The following FOXL3 variants were observed in gnomAD, a reference collection of about 807,000 sequenced individuals.
FOXL3 encodes forkhead box protein L3.
In FOXL3, 16 loss-of-function variants were observed where a neutral mutation model predicts 10.9. The observed-to-expected ratio is 1.46, with a 90% CI of 0.99 to 2.22. The LOEUF is 2.22. Among genes scored for constraint, FOXL3 ranks in the 30% most tolerant of loss-of-function variants. FOXL3 has a pLI of 0.00. For missense variants in FOXL3, 400 were observed against 337.9 expected (o/e 1.18, Z -1.44); for synonymous variants, 170 against 152.0 (o/e 1.12, Z -0.87).
chr7:291,119 C>G lies in FOXL3; in HGVS notation c.333C>G (p.Gly111=). The change falls in exon 3 of 3, where the codon GGC becomes GGG. Residue 111 remains glycine (G), a synonymous_variant. Transcript: ENST00000506382. ...AAGGCAACTACTGGACGTTCGCGGGCGGCTGCGAGTCGCTGCTGGACCTCT... is the reference window on the plus strand; with the variant it reads ...AAGGCAACTACTGGACGTTCGCGGGGGGCTGCGAGTCGCTGCTGGACCTCT... ...KGKGNYWTFA[G]GCESLLDLFE... 7.1e-7 allele frequency: 1 copy of G among 1,415,158 alleles called. No individual in the cohort carries two copies. Among genetic ancestry groups the G allele is most frequent in the African/African-American group, 1.5e-5 (1 of 66,252 alleles). 87.7% of individuals were successfully genotyped at this position (1,415,158 alleles called of 1,614,324 possible). A position where few individuals can be genotyped will look rare whatever the true frequency, so the allele number is the denominator to read the frequency against.
chr7:290,397 G>A, intron 1 of FOXL3, 121 bp downstream of exon 1: 2 of 907,502 alleles, frequency 2.2e-6, no homozygotes, highest in Non-Finnish European at 3.4e-6. Context: ...CTCCGGCGGC[G>A]GAGCTCAGAG....
Position 290,801 on chromosome 7 carries a change from C to A in FOXL3, c.256C>A (p.Leu86Ile), listed in dbSNP as rs1307336664. 15 of 1,494,010 alleles carry A rather than the reference C, an allele frequency of 1.0e-5. No individual in the cohort carries two copies. The highest frequency in any genetic ancestry group is 1.3e-5 in the Non-Finnish European group (15 of 1,126,428). The allele number at this position is 1,494,010 out of a possible 1,614,324, so 92.5% of individuals were successfully genotyped here. The stretch of plus-strand genomic sequence containing the variant: ...GAACTCCATCCGCCACAACCTGTCC[C>A]TCAACAGCTGCTTCGTCAAGGTGAG... The part of the protein sequence containing the change: ...WQNSIRHNLS[L>I]NSCFVKVPRS... The change falls in exon 2 of 3, where the codon CTC becomes ATC. Residue 86 changes from leucine (L) to isoleucine (I), a missense_variant. Coordinates refer to ENST00000506382, the MANE Select transcript of FOXL3 (RefSeq NM_001374838.1).
chr7:291,437 G>C lies in FOXL3; in HGVS notation c.651G>C (p.Glu217Asp), dbSNP rs1778647644. 1.6e-6 allele frequency: 2 copies of C among 1,243,754 alleles called. No homozygotes were observed. Among genetic ancestry groups the C allele is most frequent in the Non-Finnish European group, 1.0e-6 (1 of 993,294 alleles). 77.0% of individuals were successfully genotyped at this position (1,243,754 alleles called of 1,614,324 possible). A position where few individuals can be genotyped will look rare whatever the true frequency, so the allele number is the denominator to read the frequency against. The change falls in exon 3 of 3, where the codon GAG (glutamate) becomes GAC (aspartate). Residue 217 changes from glutamate to aspartate, a missense_variant. Transcript: ENST00000506382. The stretch of plus-strand genomic sequence containing the variant: ...TCAAGCCGCCCTGCCTCGCACAAGA[G>C]GGCAGATACCCGCGGCTGGAGAACG... Reference protein sequence around the residue: ...PGLKPPCLAQEGRYPRLENVG... With the variant: ...PGLKPPCLAQDGRYPRLENVG...
Position 291,014 on chromosome 7 carries a change from G to C in FOXL3, c.277-49G>C. On this transcript the variant is annotated intron_variant, in intron 2 of 2. Coordinates refer to ENST00000506382, the MANE Select transcript of FOXL3 (RefSeq NM_001374838.1). Reference sequence around the variant, plus strand: ...CGCCCCGAGGGGACAAGGCGGGCGGGCGCACCGTGCAGCGGAGCCGCTCCC... The same window carrying C: ...CGCCCCGAGGGGACAAGGCGGGCGGCCGCACCGTGCAGCGGAGCCGCTCCC... The C allele has an allele frequency of 4.5e-6, 6 of 1,334,070 alleles. No homozygotes were observed. In the South Asian group the frequency reaches 5.7e-5, roughly 13 times the overall value. 82.6% of individuals were successfully genotyped at this position (1,334,070 alleles called of 1,614,324 possible).
At chr7:290,849 G>GC in intron 2 of FOXL3, 28 bp downstream of exon 2, 2 of 1,390,050 alleles carry the variant, frequency 1.4e-6, no homozygotes, top group Non-Finnish European at 1.9e-6. Context: ...CGGGCCCCGG[G>GC]TGTCCCAGCG....
chr7:290,268 C>T lies in FOXL3; in HGVS notation c.99C>T (p.Pro33=). The change falls in exon 1 of 3, where the codon CCC becomes CCT. Residue 33 remains proline, a synonymous_variant. Transcript: ENST00000506382. ...ACGAAGACAAGAGGCTCACGCGGCC[C>T]GCGTACAGGTGACTGCGGGGGCGGT... ...SSDEDKRLTR[P]AYSYIALIAM... The T allele has an allele frequency of 6.5e-7, 1 of 1,535,716 alleles. No individual in the cohort carries two copies. Among genetic ancestry groups the T allele is most frequent in the Non-Finnish European group, 8.7e-7 (1 of 1,146,622 alleles).
In FOXL3 at chr7:291,120, GGCTGCGAGTCGCT is replaced by G; in HGVS notation, c.339_351del (p.Cys113TrpfsTer?). ...AGGCAACTACTGGACGTTCGCGGGC[GGCTGCGAGTCGCT>G]GCTGGACCTCTTCGAGAACGGCAAC... On this transcript the variant is annotated frameshift_variant, in exon 3 of 3. Coordinates refer to ENST00000506382, the MANE Select transcript of FOXL3 (RefSeq NM_001374838.1). LOFTEE classifies it low-confidence loss of function (END_TRUNC). 1 of 1,403,754 alleles carries G rather than the reference GGCTGCGAGTCGCT, an allele frequency of 7.1e-7. No homozygotes were observed. Among genetic ancestry groups the G allele is most frequent in the Non-Finnish European group, 9.3e-7 (1 of 1,078,426 alleles). 87.0% of individuals were successfully genotyped at this position (1,403,754 alleles called of 1,614,324 possible).
At chr7:290,533 G>T in intron 1 of FOXL3, 120 bp from the exon 2 acceptor site, 1 of 1,063,332 alleles carries the variant, frequency 9.4e-7, no homozygotes, top group Non-Finnish European at 1.3e-6. Context: ...CGAGCTGCGG[G>T]GACACTTTCC....
At position 291,308 on chromosome 7, in the gene FOXL3, C is replaced by A. The variant is rs1294388545; in HGVS notation, c.522C>A (p.Gly174=). ...ACAGCGCTGGCGAGGGCGCCCCGGG[C>A]CGTGAGCCCCCCGCCAGCCCCGCTC... ...APDSAGEGAP[G]REPPASPAPP... The change falls in exon 3 of 3, where the codon GGC becomes GGA. Residue 174 remains glycine, a synonymous_variant. Coordinates refer to ENST00000506382, the MANE Select transcript of FOXL3 (RefSeq NM_001374838.1). The A allele has an allele frequency of 4.0e-6, 5 of 1,252,756 alleles. No individual in the cohort carries two copies. The highest frequency in any genetic ancestry group is 5.0e-6 in the Non-Finnish European group (5 of 998,916). The allele number at this position is 1,252,756 out of a possible 1,614,324, so 77.6% of individuals were successfully genotyped here.
intron 1 of FOXL3, 63 bp downstream of exon 1, chr7:290,339 T>TAGCC: frequency 7.7e-7 from 1 of 1,297,814 alleles, no homozygotes; most frequent in Non-Finnish European, 1.1e-6. Context: ...GGGTCCCAGG[T>TAGCC]AGCCGGGACC....
intron 2 of FOXL3, 39 bp from the exon 3 acceptor site, chr7:291,024 C>A: frequency 7.4e-7 from 1 of 1,349,624 alleles, no homozygotes; most frequent in South Asian, 1.8e-5. Flanking sequence ...GCGCACCGTG[C>A]AGCGGAGCCG....
chr7:290,533 G>A (rs1027630950), intron 1 of FOXL3, 120 bp from the exon 2 acceptor site: 1 of 1,063,332 alleles, frequency 9.4e-7, no homozygotes, highest in Admixed American at 2.9e-5. Context: ...CGAGCTGCGG[G>A]GACACTTTCC....
chr7:290,665 G>C lies in FOXL3; in HGVS notation c.120G>C (p.Leu40Phe). 1 of 1,423,558 alleles carries C rather than the reference G, an allele frequency of 7.0e-7. No homozygotes were observed. Among genetic ancestry groups the C allele is most frequent in the Non-Finnish European group, 9.2e-7 (1 of 1,092,868 alleles). The allele number at this position is 1,423,558 out of a possible 1,614,324, so 88.2% of individuals were successfully genotyped here. ...LTRPAYSYIA[L>F]IAMAIQQSPA... ...CCGGGCTCCGCAGCTACATCGCCTT[G>C]ATCGCCATGGCCATTCAGCAGAGCC... Residue 40 changes from leucine to phenylalanine, a missense_variant, in exon 2 of 3, where the codon TTG becomes TTC. Coordinates refer to ENST00000506382, the MANE Select transcript of FOXL3 (RefSeq NM_001374838.1).
intron 2 of FOXL3, 86 bp from the exon 3 acceptor site, chr7:290,977 C>T (rs1778633239): frequency 1.6e-6 from 2 of 1,289,386 alleles, no homozygotes; most frequent in Non-Finnish European, 2.0e-6. Flanking sequence ...CCACCCTCGC[C>T]CCGGTCCAGG....
At position 291,015 on chromosome 7, in the gene FOXL3, C is replaced by A. The variant is rs1778633805; in HGVS notation, c.277-48C>A. On this transcript the variant is annotated intron_variant, in intron 2 of 2. Coordinates refer to ENST00000506382, the MANE Select transcript of FOXL3 (RefSeq NM_001374838.1). ...GCCCCGAGGGGACAAGGCGGGCGGG[C>A]GCACCGTGCAGCGGAGCCGCTCCCA... 4.5e-6 allele frequency: 6 copies of A among 1,331,654 alleles called. No homozygotes were observed. In the South Asian group the frequency reaches 5.7e-5, roughly 13 times the overall value. The allele number at this position is 1,331,654 out of a possible 1,614,324, so 82.5% of individuals were successfully genotyped here.
chr7:291,103 A>G lies in FOXL3; in HGVS notation c.317A>G (p.Tyr106Cys). The change falls in exon 3 of 3, where the codon TAC becomes TGC. Residue 106 changes from tyrosine to cysteine, a missense_variant. Physicochemically the swap from Tyr to Cys is radical, Grantham distance 194 (BLOSUM62 -2). Transcript: ENST00000506382. ...GGCCACGAGAAGGGCAAAGGCAACT[A>G]CTGGACGTTCGCGGGCGGCTGCGAG... is the stretch of plus-strand genomic sequence containing the variant. ...SEGHEKGKGN[Y>C]WTFAGGCESL... 7.1e-7 allele frequency: 1 copy of G among 1,418,308 alleles called. No individual in the cohort carries two copies. The highest frequency in any genetic ancestry group is 9.2e-7 in the Non-Finnish European group (1 of 1,087,132). The allele number at this position is 1,418,308 out of a possible 1,614,324, so 87.9% of individuals were successfully genotyped here.
chr7:291,424 G>A lies in FOXL3; in HGVS notation c.638G>A (p.Cys213Tyr). 1 of 1,257,740 alleles carries A rather than the reference G, an allele frequency of 8.0e-7. No homozygotes were observed. 77.9% of individuals were successfully genotyped at this position (1,257,740 alleles called of 1,614,324 possible). Residue 213 changes from cysteine (C) to tyrosine (Y), a missense_variant, in exon 3 of 3, where the codon TGC (cysteine) becomes TAC (tyrosine). By Grantham distance (194) the Cys-to-Tyr change is radical (BLOSUM62 -2). Coordinates refer to ENST00000506382, the MANE Select transcript of FOXL3 (RefSeq NM_001374838.1). ...CCCTTCCCTGGGCTCAAGCCGCCCT[G>A]CCTCGCACAAGAGGGCAGATACCCG... ...PDPFPGLKPPCLAQEGRYPRL... is the reference protein window; with the variant it reads ...PDPFPGLKPPYLAQEGRYPRL...
At chr7:290,299 G>T in intron 1 of FOXL3, 23 bp downstream of exon 1, 1 of 1,515,816 alleles carries the variant, frequency 6.6e-7, no homozygotes, top group African/African-American at 1.4e-5. Flanking sequence ...GCGGTGCTGG[G>T]GCTTTGGGGG....
intron 1 of FOXL3, among the ~76,000 whole-genome samples, 170 bp downstream of exon 1, chr7:290,446 A>G (rs1321301391): frequency 6.6e-6 from 1 of 151,844 alleles, no homozygotes; most frequent in African/African-American, 2.4e-5. Flanking sequence ...AGAGCCAGGG[A>G]GGGTTCTTGG....
Sources: gnomAD v4.1 joint callset for allele counts (sites outside exome capture counted in the v4.1 genomes callset) on GRCh38, gnomAD v4.1.1 for gene constraint, MANE v1.5 for transcripts, NCBI Gene and HGNC (gene_info 2026-07-23, HGNC 2026-07-21) for gene names.